NALF1: variants seen among roughly 807,000 people sequenced by gnomAD.
The protein encoded by NALF1 is NALCN channel auxiliary factor 1, also known as family with sequence similarity 155 member A.
In NALF1, 3 loss-of-function variants were observed where a neutral mutation model predicts 48.4. The observed-to-expected ratio is 0.06, with a 90% CI of 0.03 to 0.16. The LOEUF is 0.16. Among genes scored for constraint, NALF1 ranks in the 10% least tolerant of loss-of-function variants. The pLI, the probability that NALF1 is intolerant of heterozygous loss-of-function variation, is 1.00. For synonymous variants in NALF1, 262 were observed against 245.7 expected (o/e 1.07, Z -0.62); for missense variants, 526 against 571.5 (o/e 0.92, Z 0.81).
chr13:107,792,350 C>G (rs944739531), intron 1 of NALF1, among the ~76,000 whole-genome samples: 3 of 152,136 alleles, frequency 2.0e-5, no homozygotes, highest in Non-Finnish European at 2.9e-5. Flanking sequence ...GTCCATGCCA[C>G]TTTTCAGGAG....
At chr13:107,341,301 T>C (rs1028356074) in intron 1 of NALF1, among the ~76,000 whole-genome samples, 1 of 152,096 alleles carries the variant, frequency 6.6e-6, no homozygotes, top group African/African-American at 2.4e-5. Context: ...AAACATAGAA[T>C]GCAATGGAGA....
At chr13:107,335,233 T>A (rs1212651845) in intron 1 of NALF1, among the ~76,000 whole-genome samples, 1 of 152,148 alleles carries the variant, frequency 6.6e-6, no homozygotes, top group Non-Finnish European at 1.5e-5. Flanking sequence ...TCATCTTAAA[T>A]CTGCTGGAAG....
At chr13:107,432,980 C>A (rs957671976) in intron 1 of NALF1, among the ~76,000 whole-genome samples, 5 of 152,102 alleles carry the variant, frequency 3.3e-5, no homozygotes, top group Non-Finnish European at 7.4e-5. Context: ...CCCTTAAATC[C>A]ACACCTTTTG....
At chr13:107,517,265 A>C (rs1262226887) in intron 1 of NALF1, among the ~76,000 whole-genome samples, 1 of 150,884 alleles carries the variant, frequency 6.6e-6, no homozygotes, top group African/African-American at 2.5e-5. Context: ...GAAAAGAAAA[A>C]AATGAAGCAA....
At chr13:107,775,982 C>T (rs1877720463) in intron 1 of NALF1, among the ~76,000 whole-genome samples, 1 of 152,120 alleles carries the variant, frequency 6.6e-6, no homozygotes, top group Admixed American at 6.6e-5. Context: ...TAAAATCACC[C>T]TAAAGTGAAA....
At position 107,208,818 on chromosome 13, in the gene NALF1, C is replaced by A. The variant is rs1259480109; in HGVS notation, c.1087+1766G>T. ...GGTGAATTTTGTCTCAAACTCAAAG[C>A]AAGAAGATATTGATATCCTCCTTCC... On this transcript the variant is annotated intron_variant, in intron 2 of 2. Transcript: ENST00000375915. Among the ~76,000 whole-genome samples the A allele has an allele frequency of 7.9e-5, 12 of 152,226 alleles. No individual in the cohort carries two copies. In the East Asian group the frequency reaches 1.9e-3, roughly 25 times the overall value.
chr13:107,571,280 G>A (rs531495420), intron 1 of NALF1, among the ~76,000 whole-genome samples: 1 of 152,162 alleles, frequency 6.6e-6, no homozygotes, highest in Non-Finnish European at 1.5e-5. Flanking sequence ...ACTCATCACT[G>A]GAAAGACCAA....
rs763192217 is a variant in NALF1, at chr13:107,865,672, G to A, written c.915+10C>T. On this transcript the variant is annotated intron_variant, in intron 1 of 2. Transcript: ENST00000375915. ...GTGCAGGAAAGGGGGAAACCCCCGA[G>A]GGTTCCTACCTTACAGTCTTCAGGA... 4 of 1,609,096 alleles carry A rather than the reference G, an allele frequency of 2.5e-6. No individual in the cohort carries two copies. Among genetic ancestry groups the A allele is most frequent in the Non-Finnish European group, 3.4e-6 (4 of 1,176,252 alleles).
chr13:107,248,275 T>C (rs1880624132), intron 1 of NALF1, among the ~76,000 whole-genome samples: 1 of 151,820 alleles, frequency 6.6e-6, no homozygotes, highest in Admixed American at 6.6e-5. Context: ...GGAAGGAAAT[T>C]TTAGGCAAAC....
At chr13:107,196,239 A>C (rs187441156) in intron 2 of NALF1, among the ~76,000 whole-genome samples, 60 of 152,302 alleles carry the variant, frequency 3.9e-4, no homozygotes, top group Admixed American at 1.0e-3. Flanking sequence ...TCTGTACAAG[A>C]AACCCCCATG....
chr13:107,538,014 C>T (rs114714882), intron 1 of NALF1, among the ~76,000 whole-genome samples: 1 of 152,056 alleles, frequency 6.6e-6, no homozygotes, highest in African/African-American at 2.4e-5. Flanking sequence ...GACACCCCAT[C>T]TCAAACAACA....
chr13:107,290,783 G>A (rs1350110195), intron 1 of NALF1, among the ~76,000 whole-genome samples: 1 of 152,064 alleles, frequency 6.6e-6, no homozygotes, highest in Non-Finnish European at 1.5e-5. Context: ...TTGACACTGA[G>A]GTGTGCCTTT....
chr13:107,836,273 G>A (rs1186128581), intron 1 of NALF1, among the ~76,000 whole-genome samples: 1 of 152,138 alleles, frequency 6.6e-6, no homozygotes, highest in Non-Finnish European at 1.5e-5. Flanking sequence ...TTACAGGTAT[G>A]AGCCACCATG....
chr13:107,588,387 A>C (rs1160370920), intron 1 of NALF1, among the ~76,000 whole-genome samples: 1 of 152,122 alleles, frequency 6.6e-6, no homozygotes, highest in Non-Finnish European at 1.5e-5. Context: ...GACAACTTGG[A>C]TATCTAGAGG....
chr13:107,271,803 TATATATATATA>T (rs1566470744), intron 1 of NALF1, among the ~76,000 whole-genome samples: 1,070 of 93,686 alleles, frequency 0.011, 30 homozygotes, highest in Admixed American at 0.04. Flanking sequence ...TATATATATA[TATATATATATA>T]TATTTATATA....
intron 1 of NALF1, among the ~76,000 whole-genome samples, chr13:107,384,164 G>A (rs1883486744): frequency 6.6e-6 from 1 of 152,028 alleles, no homozygotes; most frequent in Non-Finnish European, 1.5e-5. Context: ...GATGTGGAAG[G>A]ATCACTTGAG....
At chr13:107,610,521 T>C (rs1448874058) in intron 1 of NALF1, among the ~76,000 whole-genome samples, 2 of 152,208 alleles carry the variant, frequency 1.3e-5, no homozygotes, top group Non-Finnish European at 2.9e-5. Context: ...AACCATGAAA[T>C]ATGTTGTTTC....
intron 2 of NALF1, 27 bp downstream of exon 2, chr13:107,210,557 T>G: frequency 6.6e-7 from 1 of 1,517,160 alleles, no homozygotes; most frequent in Non-Finnish European, 9.1e-7. Context: ...CGGAGACTGG[T>G]GTACAGACTC....
At chr13:107,781,675 C>T (rs1382480731) in intron 1 of NALF1, among the ~76,000 whole-genome samples, 1 of 151,790 alleles carries the variant, frequency 6.6e-6, no homozygotes, top group East Asian at 1.9e-4. Flanking sequence ...GATCCATCCT[C>T]AGGATCTCTT....
Sources: allele counts gnomAD v4.1 joint callset (sites outside exome capture counted in the v4.1 genomes callset), GRCh38; gene constraint gnomAD v4.1.1; transcripts MANE v1.5; gene names NCBI Gene and HGNC (gene_info 2026-07-23, HGNC 2026-07-21).